Variants in KCTD19 observed in about 807,000 individuals in gnomAD.
The protein encoded by KCTD19 is potassium channel tetramerization domain containing 19, also known as BTB/POZ domain-containing protein KCTD19.
A neutral mutation model predicts 103.5 loss-of-function variants in KCTD19; 67 were observed. That is an observed-to-expected ratio of 0.65 (90% CI 0.53 to 0.79). The LOEUF (loss-of-function observed/expected upper bound fraction) is 0.79, where lower values mean the gene tolerates loss of function less well. KCTD19 is among the 30% of genes least tolerant of loss of function. The pLI is 0.00. For synonymous variants in KCTD19, 439 were observed against 452.2 expected, an observed-to-expected ratio of 0.97 and a Z score of 0.37; for missense variants, 980 against 1,136.1, an observed-to-expected ratio of 0.86 and a Z score of 1.98.
intron 2 of KCTD19, among the ~76,000 whole-genome samples, chr16:67,318,961 G>A (rs1243480229): frequency 1.3e-5 from 2 of 152,138 alleles, no homozygotes; most frequent in Non-Finnish European, 2.9e-5. Context: ...GGTGGCTCAC[G>A]CCTATAATCC....
At chr16:67,314,460 C>T (rs1189669984) in intron 2 of KCTD19, among the ~76,000 whole-genome samples, 1 of 152,054 alleles carries the variant, frequency 6.6e-6, no homozygotes, top group African/African-American at 2.4e-5. Flanking sequence ...ACCCATCCTT[C>T]CTACCCTGAG....
intron 2 of KCTD19, among the ~76,000 whole-genome samples, chr16:67,317,182 G>C: frequency 6.6e-6 from 1 of 152,062 alleles, no homozygotes; most frequent in Non-Finnish European, 1.5e-5. Flanking sequence ...TTGACTACTT[G>C]AAATGTGACA....
intron 2 of KCTD19, among the ~76,000 whole-genome samples, chr16:67,314,830 T>TATATATATATATAG (rs1430877802): frequency 3.0e-5 from 1 of 33,652 alleles, no homozygotes; most frequent in Non-Finnish European, 4.4e-5. Flanking sequence ...TATATATATA[T>TATATATATATATAG]AGAGAGAGAG....
rs1383340263 is a variant in KCTD19 at position 67,291,481 on chromosome 16, T to A, written c.2411-18A>T. 4 of 1,611,220 alleles carry A rather than the reference T, an allele frequency of 2.5e-6. No homozygotes were observed. Among genetic ancestry groups the A allele is most frequent in the Non-Finnish European group, 3.4e-6 (4 of 1,178,512 alleles). On this transcript the variant is annotated intron_variant, in intron 13 of 15. Coordinates refer to ENST00000304372, the MANE Select transcript of KCTD19 (RefSeq NM_001100915.3). ...AGTCACTTCTGTGGAGGAGGGAAAGTGGATGTGGCCACATCTGTCAATAGC... is the reference window on the plus strand; with the variant it reads ...AGTCACTTCTGTGGAGGAGGGAAAGAGGATGTGGCCACATCTGTCAATAGC...
Position 67,320,240 on chromosome 16 carries a change from G to A in KCTD19, c.300+349C>T, listed in dbSNP as rs1567455177. ...AATCTGGTCAACATGGAAAGGATTG[G>A]CCGGGCATGGTGGCATGCACCTGTG... On this transcript the variant is annotated intron_variant, in intron 2 of 15. Coordinates refer to ENST00000304372, the MANE Select transcript of KCTD19 (RefSeq NM_001100915.3). The surrounding 1 kb of genome is among the most constrained non-coding windows in gnomAD (Gnocchi z 4.0). 6.6e-6 allele frequency among the ~76,000 whole-genome samples: 1 copy of A among 152,180 alleles called. No homozygotes were observed. The highest frequency in any genetic ancestry group is 2.4e-5 in the African/African-American group (1 of 41,434).
At position 67,290,936 on chromosome 16, in the gene KCTD19, G is replaced by A. The variant is rs750014898; in HGVS notation, c.2616C>T (p.Thr872=). 2.2e-5 allele frequency: 36 copies of A among 1,613,978 alleles called. No individual in the cohort carries two copies. The highest frequency in any genetic ancestry group is 1.7e-4 in the Admixed American group (10 of 59,998). ...GGGTGTGCCGGTCATCCTTGAAGCC[G>A]GTGATGGCCAGCAAATCTACCACAA... ...KQFVVDLLAI[T]GFKDDRHTQE... is the part of the protein sequence containing the mutation. Residue 872 remains threonine (T), a synonymous_variant, in exon 15 of 16, where the codon ACC becomes ACT. Transcript: ENST00000304372.
At chr16:67,313,302 G>A (rs1185611415) in intron 2 of KCTD19, among the ~76,000 whole-genome samples, 1 of 152,032 alleles carries the variant, frequency 6.6e-6, no homozygotes, top group African/African-American at 2.4e-5. Flanking sequence ...TAGAGATGGG[G>A]TTTCACCATG....
intron 2 of KCTD19, among the ~76,000 whole-genome samples, chr16:67,317,243 G>A (rs979704044): frequency 2.2e-4 from 33 of 152,252 alleles, no homozygotes; most frequent in African/African-American, 7.5e-4. Context: ...CAATTTGGGA[G>A]GCTGAGGGGC....
In KCTD19 at chr16:67,323,877, T is replaced by A. The variant is rs1434713088; in HGVS notation, c.3+2828A>T. ...TGAATTGTATGGTATGTGAATTATA[T>A]CTCAATAGATCTACAAAAAAAAAAA... On this transcript the variant is annotated intron_variant, in intron 1 of 15. Transcript: ENST00000304372. The surrounding 1 kb of genome is among the most constrained non-coding windows in gnomAD (Gnocchi z 4.1). 6.6e-6 allele frequency among the ~76,000 whole-genome samples: 1 copy of A among 150,594 alleles called. No individual in the cohort carries two copies. Among genetic ancestry groups the A allele is most frequent in the African/African-American group, 2.4e-5 (1 of 40,818 alleles).
intron 8 of KCTD19, 99 bp downstream of exon 8, chr16:67,296,060 A>C: frequency 1.3e-6 from 1 of 778,444 alleles, no homozygotes; most frequent in Admixed American, 1.8e-5. Context: ...CTTTGTTCTA[A>C]GCAAGTGCTG....
Position 67,312,234 on chromosome 16 carries a change from G to T in KCTD19, c.301-7663C>A, listed in dbSNP as rs554459799. Among the ~76,000 whole-genome samples the T allele has an allele frequency of 5.1e-4, 77 of 152,282 alleles. 1 individual carries two copies. In the South Asian group the frequency reaches 0.016, roughly 31 times the overall value. ...GGAAGTAAAAAAGAATCGATAATTT[G>T]CCATGAAACTTAAACCCTGGTGAAT... On this transcript the variant is annotated intron_variant, in intron 2 of 15. Coordinates refer to ENST00000304372, the MANE Select transcript of KCTD19 (RefSeq NM_001100915.3).
rs532580670 is a variant in KCTD19 at position 67,291,109 on chromosome 16, G to A, written c.2566-123C>T. 7.5e-6 allele frequency: 9 copies of A among 1,206,274 alleles called. No individual in the cohort carries two copies. The East Asian group carries it at 1.3e-4, about 17-fold the overall frequency. The allele number at this position is 1,206,274 out of a possible 1,614,324, so 74.7% of individuals were successfully genotyped here. A position where few individuals can be genotyped will look rare whatever the true frequency, so the allele number is the denominator to read the frequency against. On this transcript the variant is annotated intron_variant, in intron 14 of 15. Coordinates refer to ENST00000304372, the MANE Select transcript of KCTD19 (RefSeq NM_001100915.3). ...GGGGTAGGGGGCGGGCACTGTCACT[G>A]CAAATCTGCCTCTTGGCCGAGGCTC... is the stretch of plus-strand genomic sequence containing the variant.
intron 5 of KCTD19, 34 bp from the exon 6 acceptor site, chr16:67,299,607 C>T: frequency 1.3e-6 from 2 of 1,582,682 alleles, no homozygotes; most frequent in Non-Finnish European, 1.7e-6. Context: ...CTCCTAGGCC[C>T]CCCATGGTCA....
intron 4 of KCTD19, chr16:67,302,340 G>C: frequency 5.2e-6 from 1 of 193,682 alleles, no homozygotes; most frequent in South Asian, 1.1e-4. Flanking sequence ...CTGGACTGCA[G>C]TATGGGAGGC....
intron 13 of KCTD19, 68 bp from the exon 14 acceptor site, chr16:67,291,531 A>G: frequency 6.4e-7 from 1 of 1,572,460 alleles, no homozygotes; most frequent in East Asian, 2.2e-5. Context: ...CAGTGTGAGG[A>G]GGGGGAGAGG....
chr16:67,291,072 C>T (rs2036685446), intron 14 of KCTD19, 86 bp from the exon 15 acceptor site: 1 of 1,398,994 alleles, frequency 7.1e-7, no homozygotes, highest in South Asian at 1.2e-5. Context: ...TCTCTGGGCC[C>T]ACAGAGCCAC....
intron 1 of KCTD19, among the ~76,000 whole-genome samples, chr16:67,325,689 CAG>C (rs1236802343): frequency 2.0e-5 from 3 of 152,260 alleles, no homozygotes; most frequent in Non-Finnish European, 4.4e-5. Flanking sequence ...AAAGACTACT[CAG>C]GGGCTGGTTA....
At chr16:67,325,308 C>T (rs1164114108) in intron 1 of KCTD19, among the ~76,000 whole-genome samples, 1 of 151,022 alleles carries the variant, frequency 6.6e-6, no homozygotes, top group Non-Finnish European at 1.5e-5. Flanking sequence ...GGGTTTACGC[C>T]ATTCTCCTGC....
chr16:67,306,960 A>G (rs73592853), intron 2 of KCTD19, among the ~76,000 whole-genome samples: 366 of 152,306 alleles, frequency 2.4e-3, no homozygotes, highest in African/African-American at 8.4e-3. Flanking sequence ...AGGAAGAGGT[A>G]GGGGACTAAG....
Sources: gnomAD v4.1 joint callset for allele counts (sites outside exome capture counted in the v4.1 genomes callset) on GRCh38, gnomAD v4.1.1 for gene constraint, Gnocchi (gnomAD v3.1) non-coding constraint, MANE v1.5 for transcripts, NCBI Gene and HGNC (gene_info 2026-07-23, HGNC 2026-07-21) for gene names.